The following GRHL1 variants were observed in gnomAD, a reference collection of about 807,000 sequenced individuals.
GRHL1 encodes grainyhead-like protein 1 homolog.
In GRHL1, 38 loss-of-function variants were observed where a neutral mutation model predicts 75.7. The observed-to-expected ratio is 0.50, with a 90% CI of 0.39 to 0.66. GRHL1 has a LOEUF of 0.66. Ranked by LOEUF, GRHL1 falls within the 30% of genes least tolerant of loss-of-function variation. GRHL1 has a pLI of 0.00. For missense variants in GRHL1, 589 were observed against 767.5 expected, an observed-to-expected ratio of 0.77 and a Z score of 2.75; for synonymous variants, 266 against 279.4, an observed-to-expected ratio of 0.95 and a Z score of 0.48.
rs1667886060 is a variant in GRHL1 at position 9,974,971 on chromosome 2, GTC to G, written c.1110+9592_1110+9593del. Among the ~76,000 whole-genome samples the G allele has an allele frequency of 2.0e-5, 3 of 152,342 alleles. No homozygotes were observed. The South Asian group carries it at 6.2e-4, about 32-fold the overall frequency. On this transcript the variant is annotated intron_variant, in intron 8 of 15. Transcript: ENST00000324907. ...ACTTTCAGCTGAGGGAATCCCCAAA[GTC>G]TTTGCTGGAGCTGCAGAATATTTTT...
intron 1 of GRHL1, chr2:9,953,188 T>C (rs1263238861): frequency 7.3e-6 from 3 of 411,402 alleles, no homozygotes; most frequent in Non-Finnish European, 1.5e-5. Context: ...AGCCATTTCT[T>C]TCTCTGTTTT....
chr2:9,972,257 A>C (rs77010026), intron 8 of GRHL1, among the ~76,000 whole-genome samples: 3,655 of 141,614 alleles, frequency 0.026, 66 homozygotes, highest in African/African-American at 0.048. Flanking sequence ...GAAACAATTG[A>C]CTCCTCTATA....
chr2:9,954,745 C>T lies in GRHL1; in HGVS notation c.21-170C>T. The T allele has an allele frequency of 7.4e-6, 5 of 671,364 alleles. No individual in the cohort carries two copies. In the South Asian group the frequency reaches 8.2e-5, roughly 11 times the overall value. The allele number at this position is 671,364 out of a possible 1,614,324, so 41.6% of individuals were successfully genotyped here. On this transcript the variant is annotated intron_variant, in intron 1 of 15. Transcript: ENST00000324907. ...GATACTTTATGTCTTACTGTGGGAC[C>T]CATTGGTCTGCACTTACGTGGTTTG...
intron 8 of GRHL1, among the ~76,000 whole-genome samples, chr2:9,982,416 G>T (rs950797609): frequency 6.6e-6 from 1 of 152,172 alleles, no homozygotes; most frequent in Admixed American, 6.5e-5. Flanking sequence ...AACAGTCCCA[G>T]CATCTCAAAC....
intron 3 of GRHL1, 34 bp downstream of exon 3, chr2:9,958,890 A>C: frequency 5.0e-6 from 8 of 1,606,778 alleles, no homozygotes; most frequent in Non-Finnish European, 6.0e-6. Context: ...TAAAGAGTGC[A>C]GGGGGAAATG....
At position 10,001,448 on chromosome 2, in the gene GRHL1, A is replaced by G. The variant is rs1669265168; in HGVS notation, c.*741A>G. ...TAATATATAAATATGGTGTCTGTGT[A>G]CATATAGTGAAGATATGCAGTAAGA... On this transcript the variant is annotated 3_prime_UTR_variant, in exon 16 of 16. Coordinates refer to ENST00000324907, the MANE Select transcript of GRHL1 (RefSeq NM_198182.3). 1 of 152,282 alleles carries G rather than the reference A, an allele frequency of 6.6e-6. No homozygotes were observed. Among genetic ancestry groups the G allele is most frequent in the Admixed American group, 6.5e-5 (1 of 15,272 alleles). The allele number at this position is 152,282 out of a possible 1,614,324, so 9.4% of individuals were successfully genotyped here. A position where few individuals can be genotyped will look rare whatever the true frequency, so the allele number is the denominator to read the frequency against.
chr2:9,965,574 A>C, intron 8 of GRHL1, 193 bp downstream of exon 8: 1 of 561,398 alleles, frequency 1.8e-6, no homozygotes, highest in South Asian at 2.4e-5. Flanking sequence ...CTTTGCACAG[A>C]GTCCAGTGTG....
intron 8 of GRHL1, among the ~76,000 whole-genome samples, chr2:9,973,376 G>C (rs6739827): frequency 0.39 from 59,173 of 151,864 alleles, 13,259 homozygotes; most frequent in African/African-American, 0.62. Flanking sequence ...AAAGCCCAGA[G>C]AGAAGGAAGG....
At chr2:9,974,560 CG>C (rs1478167324) in intron 8 of GRHL1, among the ~76,000 whole-genome samples, 1 of 152,182 alleles carries the variant, frequency 6.6e-6, no homozygotes, top group African/African-American at 2.4e-5. Context: ...CTCAGCTCTA[CG>C]GGCTGGTGCT....
chr2:9,956,888 G>A lies in GRHL1; in HGVS notation c.207+1787G>A, dbSNP rs567400939. The stretch of plus-strand genomic sequence containing the variant: ...ATAACACTAGGTGTACTACTCCTGC[G>A]TCTCAGAAGCATGTAAATCCTCATG... On this transcript the variant is annotated intron_variant, in intron 2 of 15. Coordinates refer to ENST00000324907, the MANE Select transcript of GRHL1 (RefSeq NM_198182.3). Among the ~76,000 whole-genome samples, 174 of 152,234 alleles carry A rather than the reference G, an allele frequency of 1.1e-3. 5 individuals carry two copies. Among genetic ancestry groups the A allele is most frequent in the Non-Finnish European group, 4.3e-4 (29 of 68,030 alleles).
rs777907339 is a variant in GRHL1 at position 9,990,799 on chromosome 2, C to T, written c.1321+52C>T. The T allele has an allele frequency of 6.9e-7, 1 of 1,449,342 alleles. No homozygotes were observed. Among genetic ancestry groups the T allele is most frequent in the Non-Finnish European group, 9.6e-7 (1 of 1,041,518 alleles). 89.8% of individuals were successfully genotyped at this position (1,449,342 alleles called of 1,614,324 possible). A position where few individuals can be genotyped will look rare whatever the true frequency, so the allele number is the denominator to read the frequency against. On this transcript the variant is annotated intron_variant, in intron 10 of 15. Coordinates refer to ENST00000324907, the MANE Select transcript of GRHL1 (RefSeq NM_198182.3). The surrounding 1 kb of genome is among the most constrained non-coding windows in gnomAD (Gnocchi z 4.2). ...GTGAATGCCTGTAAGTAGAAATGTT[C>T]CCGGCAAGCTTCAGACCTTTTCCAT...
At chr2:9,999,402 G>A (rs868738335) in intron 15 of GRHL1, among the ~76,000 whole-genome samples, 2 of 152,250 alleles carry the variant, frequency 1.3e-5, no homozygotes, top group African/African-American at 2.4e-5. Flanking sequence ...TGTGGCCAGC[G>A]CCACTGAGGA....
At chr2:9,984,211 AT>A (rs1456983789) in intron 8 of GRHL1, among the ~76,000 whole-genome samples, 3 of 152,088 alleles carry the variant, frequency 2.0e-5, no homozygotes, top group Admixed American at 1.3e-4. Context: ...TATAACTTAA[AT>A]TTTTCCCCAT....
chr2:9,954,950 T>A lies in GRHL1; in HGVS notation c.56T>A (p.Leu19His), dbSNP rs1297948140. 6.2e-7 allele frequency: 1 copy of A among 1,613,676 alleles called. No individual in the cohort carries two copies. Among genetic ancestry groups the A allele is most frequent in the Non-Finnish European group, 8.5e-7 (1 of 1,179,700 alleles). The change falls in exon 2 of 16, where the codon CTT (leucine) becomes CAT (histidine). Residue 19 changes from leucine to histidine, a missense_variant. This residue lies in a region of GRHL1 where 362 missense variants were observed against 461.8 expected (regional missense o/e 0.78). Transcript: ENST00000324907. The stretch of plus-strand genomic sequence containing the variant: ...GTGTTGGTTCTTCAGAATGAAGCAC[T>A]TTATCCACAGCGGCGGTCCTACACT... ...RPVLVLQNEA[L>H]YPQRRSYTSE...
Position 9,990,773 on chromosome 2 carries a change from GGTGAAT to G in GRHL1, c.1321+28_1321+33del. ...GCAAGTGTCCTGACCCCAGCTCCCA[GGTGAAT>G]GCCTGTAAGTAGAAATGTTCCCGGC... is the stretch of plus-strand genomic sequence containing the variant. On this transcript the variant is annotated intron_variant, in intron 10 of 15. Coordinates refer to ENST00000324907, the MANE Select transcript of GRHL1 (RefSeq NM_198182.3). This position sits in a 1 kb window ranked among gnomAD's most constrained non-coding sequence, Gnocchi z 4.2. 1 of 1,586,300 alleles carries G rather than the reference GGTGAAT, an allele frequency of 6.3e-7. No individual in the cohort carries two copies. The highest frequency in any genetic ancestry group is 8.6e-7 in the Non-Finnish European group (1 of 1,159,292).
chr2:9,983,771 A>G (rs953540731), intron 8 of GRHL1, among the ~76,000 whole-genome samples: 4 of 141,100 alleles, frequency 2.8e-5, no homozygotes, highest in African/African-American at 1.1e-4. Context: ...AGTTGTTTGC[A>G]TGGACTTTTT....
rs745487530 is a variant in GRHL1, at chr2:9,976,250, G to A, written c.1111-9874G>A. 3.3e-5 allele frequency among the ~76,000 whole-genome samples: 5 copies of A among 152,324 alleles called. No homozygotes were observed. The Middle Eastern group carries it at 0.01, about 311-fold the overall frequency. ...TAGGGTTGCAGGTGACACGAAGGAA[G>A]GGAACCTCACTTGGAATAGGAAGAT... is the stretch of plus-strand genomic sequence containing the variant. On this transcript the variant is annotated intron_variant, in intron 8 of 15. Transcript: ENST00000324907.
intron 7 of GRHL1, chr2:9,964,855 C>G (rs150456691): frequency 3.1e-4 from 53 of 172,830 alleles, no homozygotes; most frequent in Non-Finnish European, 5.2e-4. Flanking sequence ...GACCTCTGTT[C>G]TTGCCATGTA....
Position 9,990,579 on chromosome 2 carries a change from G to A in GRHL1, c.1270-117G>A. 1 of 515,690 alleles carries A rather than the reference G, an allele frequency of 1.9e-6. No homozygotes were observed. Among genetic ancestry groups the A allele is most frequent in the Non-Finnish European group, 3.5e-6 (1 of 284,676 alleles). 31.9% of individuals were successfully genotyped at this position (515,690 alleles called of 1,614,324 possible). On this transcript the variant is annotated intron_variant, in intron 9 of 15. Transcript: ENST00000324907. The surrounding 1 kb of genome is among the most constrained non-coding windows in gnomAD (Gnocchi z 4.2). ...AAGCCTCATGAATATAGTAAGTAAT[G>A]GGGTTCCTGTCCAGAGAAGGGAGAA...
Sources: gnomAD v4.1 joint callset for allele counts (sites outside exome capture counted in the v4.1 genomes callset) on GRCh38, gnomAD v4.1.1 for gene constraint, gnomAD v4.1.1 regional missense constraint, Gnocchi (gnomAD v3.1) non-coding constraint, MANE v1.5 for transcripts, NCBI Gene and HGNC (gene_info 2026-07-23, HGNC 2026-07-21) for gene names.